THRB: variants seen among roughly 807,000 people sequenced by gnomAD.
THRB encodes nuclear receptor subfamily 1 group A member 2.
In THRB, 12 loss-of-function variants were observed where a neutral mutation model predicts 47.8. The ratio of observed to expected loss-of-function variants is 0.25; its 90% CI spans 0.16 to 0.41. The LOEUF (loss-of-function observed/expected upper bound fraction) is 0.41. Among genes scored for constraint, THRB ranks in the 10% least tolerant of loss-of-function variants. THRB has a pLI of 1.00. For synonymous variants in THRB, 218 were observed against 212.2 expected (o/e 1.03, Z -0.24); for missense variants, 348 against 589.2 (o/e 0.59, Z 4.24).
Position 24,281,187 on chromosome 3 carries a change from C to G in THRB, c.-43+16039G>C, listed in dbSNP as rs376634917. ...AAAAAATGTTAAGGGCAGCCAGAGACAAAGGTCGGGTTACCCTCAAAGGGA... is the reference window on the plus strand; with the variant it reads ...AAAAAATGTTAAGGGCAGCCAGAGAGAAAGGTCGGGTTACCCTCAAAGGGA... On this transcript the variant is annotated intron_variant, in intron 3 of 10. Transcript: ENST00000646209. Among the ~76,000 whole-genome samples, 253 of 152,152 alleles carry G rather than the reference C, an allele frequency of 1.7e-3. 1 individual carries two copies. In the Middle Eastern group the frequency reaches 0.017, roughly 10 times the overall value.
At chr3:24,197,781 C>T (rs1370845255) in intron 4 of THRB, among the ~76,000 whole-genome samples, 1 of 152,202 alleles carries the variant, frequency 6.6e-6, no homozygotes, top group African/African-American at 2.4e-5. Flanking sequence ...AGTTCTGCAA[C>T]AAAAGGCAGC....
chr3:24,264,123 T>A (rs774923237), intron 3 of THRB, among the ~76,000 whole-genome samples: 7 of 152,196 alleles, frequency 4.6e-5, no homozygotes, highest in Admixed American at 6.5e-5. Context: ...CCATTCCCCC[T>A]GATTGCATCT....
At chr3:24,411,364 G>A (rs2068278858) in intron 1 of THRB, among the ~76,000 whole-genome samples, 1 of 151,712 alleles carries the variant, frequency 6.6e-6, no homozygotes, top group Non-Finnish European at 1.5e-5. Context: ...CATAGGTTAA[G>A]TAGGGACAGG....
chr3:24,152,324 T>G, intron 6 of THRB, 66 bp downstream of exon 6: 4 of 845,412 alleles, frequency 4.7e-6, no homozygotes, highest in Non-Finnish European at 8.3e-6. Context: ...CATTGCATTC[T>G]GGAAGAGGAC....
intron 6 of THRB, 88 bp from the exon 7 acceptor site, chr3:24,146,910 A>G: frequency 7.8e-7 from 1 of 1,275,308 alleles, no homozygotes; most frequent in Non-Finnish European, 1.1e-6. Context: ...TAACTATGAG[A>G]TGAATCGTTT....
At chr3:24,271,745 A>C (rs535523715) in intron 3 of THRB, among the ~76,000 whole-genome samples, 3 of 152,254 alleles carry the variant, frequency 2.0e-5, no homozygotes, top group Admixed American at 6.5e-5. Context: ...TATATACTAC[A>C]TGTACTATTA....
chr3:24,290,568 C>T (rs59343954), intron 3 of THRB, among the ~76,000 whole-genome samples: 36,782 of 152,140 alleles, frequency 0.24, 6,221 homozygotes, highest in African/African-American at 0.49. Flanking sequence ...AGTTTTGATT[C>T]TCTGACAACT....
intron 3 of THRB, among the ~76,000 whole-genome samples, chr3:24,281,062 G>C (rs1382609815): frequency 6.6e-6 from 1 of 151,992 alleles, no homozygotes; most frequent in South Asian, 2.1e-4. Flanking sequence ...GCAGGCCAAC[G>C]TTCAGATTCA....
At chr3:24,291,887 C>T (rs1238631865) in intron 3 of THRB, among the ~76,000 whole-genome samples, 2 of 152,044 alleles carry the variant, frequency 1.3e-5, no homozygotes, top group African/African-American at 4.8e-5. Flanking sequence ...ATCCTGCAGA[C>T]ATAGTCATTT....
At chr3:24,386,503 A>G (rs2066116177) in intron 1 of THRB, among the ~76,000 whole-genome samples, 1 of 152,110 alleles carries the variant, frequency 6.6e-6, no homozygotes, top group African/African-American at 2.4e-5. Flanking sequence ...ATTTAAGGCC[A>G]TCTGCAAGGA....
rs147240229 is a variant in THRB, at chr3:24,241,989, G to C, written c.-42-12988C>G. 1.6e-3 allele frequency among the ~76,000 whole-genome samples: 242 copies of C among 152,246 alleles called. 1 individual carries two copies. The highest frequency in any genetic ancestry group is 2.7e-3 in the Admixed American group (42 of 15,288). On this transcript the variant is annotated intron_variant, in intron 3 of 10. Coordinates refer to ENST00000646209, the MANE Select transcript of THRB (RefSeq NM_001354712.2). ...TCCTCCCCCCACAAGTTAGCACACT[G>C]ATCAGTGCATAGTAGGAACTCAAAA... is the stretch of plus-strand genomic sequence containing the variant.
At chr3:24,337,546 G>T (rs567594898) in intron 1 of THRB, among the ~76,000 whole-genome samples, 175 bp from the exon 2 acceptor site, 100 of 152,340 alleles carry the variant, frequency 6.6e-4, no homozygotes, top group South Asian at 1.7e-3. Context: ...CTAAAGGGGA[G>T]ATGGTTTCAG....
At chr3:24,311,700 A>G (rs957157741) in intron 2 of THRB, among the ~76,000 whole-genome samples, 2 of 151,918 alleles carry the variant, frequency 1.3e-5, no homozygotes, top group Admixed American at 1.3e-4. Flanking sequence ...CCCCTTTTAA[A>G]TCTCTCTTCT....
At chr3:24,315,194 C>A (rs2058034311) in intron 2 of THRB, among the ~76,000 whole-genome samples, 2 of 152,162 alleles carry the variant, frequency 1.3e-5, no homozygotes, top group Non-Finnish European at 2.9e-5. Context: ...ACATTAATTG[C>A]AACACAATCT....
At chr3:24,214,596 A>G (rs1325222683) in intron 4 of THRB, among the ~76,000 whole-genome samples, 2 of 152,230 alleles carry the variant, frequency 1.3e-5, no homozygotes, top group Non-Finnish European at 2.9e-5. Flanking sequence ...AGGCTGCATC[A>G]GTGGCTGAGA....
chr3:24,244,698 G>A (rs1460347969), intron 3 of THRB, among the ~76,000 whole-genome samples: 1 of 152,170 alleles, frequency 6.6e-6, no homozygotes. Context: ...ATGGGCAATT[G>A]CTCCACACAA....
intron 2 of THRB, among the ~76,000 whole-genome samples, chr3:24,307,249 T>C (rs1179771487): frequency 1.3e-5 from 2 of 151,180 alleles, no homozygotes; most frequent in Non-Finnish European, 3.0e-5. Context: ...AAGTCTGAGC[T>C]AAAGTTTATT....
At chr3:24,493,164 T>C (rs927698237) in intron 1 of THRB, among the ~76,000 whole-genome samples, 1 of 152,216 alleles carries the variant, frequency 6.6e-6, no homozygotes, top group South Asian at 2.1e-4. Flanking sequence ...ATCAACTGCT[T>C]AAAATACTTT....
intron 4 of THRB, among the ~76,000 whole-genome samples, chr3:24,198,664 T>C (rs754051649): frequency 1.3e-5 from 2 of 152,094 alleles, no homozygotes; most frequent in Non-Finnish European, 2.9e-5. Flanking sequence ...CTTTTTCCTT[T>C]AAAATACATT....
Sources: gnomAD v4.1 joint callset for allele counts (sites outside exome capture counted in the v4.1 genomes callset) on GRCh38, gnomAD v4.1.1 for gene constraint, MANE v1.5 for transcripts, NCBI Gene and HGNC (gene_info 2026-07-23, HGNC 2026-07-21) for gene names.